Variants in ADAMTSL1 observed in about 807,000 individuals in gnomAD.
ADAMTSL1 encodes the protein ADAMTS-like protein 1.
A neutral mutation model predicts 201.8 loss-of-function variants in ADAMTSL1; 126 were observed. That is an observed-to-expected ratio of 0.62 (90% CI 0.54 to 0.72). ADAMTSL1 has a LOEUF of 0.72. Ranked by LOEUF, ADAMTSL1 falls within the 30% of genes least tolerant of loss-of-function variation. ADAMTSL1 has a pLI of 0.00. For synonymous variants in ADAMTSL1, 1,121 were observed against 903.4 expected (o/e 1.24, Z -4.32); for missense variants, 2,679 against 2,277.8 (o/e 1.18, Z -3.59).
intron 2 of ADAMTSL1, among the ~76,000 whole-genome samples, chr9:18,216,537 C>T (rs1031312807): frequency 1.3e-5 from 2 of 152,034 alleles, no homozygotes; most frequent in African/African-American, 4.8e-5. Flanking sequence ...GCAGCAGCAT[C>T]AAGCTCCCTC....
rs551867391 is a variant in ADAMTSL1, at chr9:18,138,541, C to G, written c.88-25321C>G. 3.3e-5 allele frequency among the ~76,000 whole-genome samples: 5 copies of G among 152,252 alleles called. No individual in the cohort carries two copies. The South Asian group carries it at 1.0e-3, about 32-fold the overall frequency. On this transcript the variant is annotated intron_variant, in intron 1 of 29. Transcript: ENST00000680146. Reference sequence around the variant, plus strand: ...GTACACAAAGCAGCTGGTGTGCGGCCATGGCTACTAGTGCTGGGCATTGTT... The same window carrying G: ...GTACACAAAGCAGCTGGTGTGCGGCGATGGCTACTAGTGCTGGGCATTGTT...
At chr9:18,605,101 T>C (rs1388000893) in intron 4 of ADAMTSL1, among the ~76,000 whole-genome samples, 2 of 152,218 alleles carry the variant, frequency 1.3e-5, no homozygotes, top group African/African-American at 4.8e-5. Flanking sequence ...TCACTTGTAT[T>C]CTTCCCTACC....
At chr9:18,723,225 T>C (rs955793642) in intron 15 of ADAMTSL1, 4 of 655,202 alleles carry the variant, frequency 6.1e-6, no homozygotes, top group East Asian at 2.7e-5. Flanking sequence ...TTCTTTATTT[T>C]GTAGGCAGAA....
At chr9:17,941,068 G>A (rs1827221505) in intron 1 of ADAMTSL1, among the ~76,000 whole-genome samples, 1 of 151,914 alleles carries the variant, frequency 6.6e-6, no homozygotes, top group Non-Finnish European at 1.5e-5. Flanking sequence ...GCCTTAACTT[G>A]AGACCTTTTA....
At chr9:18,903,012 C>T (rs1317814446) in intron 26 of ADAMTSL1, among the ~76,000 whole-genome samples, 1 of 152,138 alleles carries the variant, frequency 6.6e-6, no homozygotes, top group Non-Finnish European at 1.5e-5. Flanking sequence ...CAAGACCAGC[C>T]TGGCCAACAT....
chr9:18,185,033 C>A (rs1445680226), intron 2 of ADAMTSL1, among the ~76,000 whole-genome samples: 1 of 152,038 alleles, frequency 6.6e-6, no homozygotes, highest in Non-Finnish European at 1.5e-5. Flanking sequence ...TATTTTAGGG[C>A]ATTTTGGATG....
At chr9:18,336,066 G>T (rs1835225347) in intron 2 of ADAMTSL1, among the ~76,000 whole-genome samples, 1 of 152,048 alleles carries the variant, frequency 6.6e-6, no homozygotes, top group Non-Finnish European at 1.5e-5. Flanking sequence ...TTATTTCATT[G>T]CACATAGCAT....
chr9:18,489,978 A>G (rs1822187531), intron 1 of ADAMTSL1, among the ~76,000 whole-genome samples: 1 of 152,176 alleles, frequency 6.6e-6, no homozygotes, highest in South Asian at 2.1e-4. Context: ...AGTACGTGTA[A>G]GTACTTTGAA....
chr9:18,230,760 A>C (rs769542256), intron 2 of ADAMTSL1, among the ~76,000 whole-genome samples: 19 of 152,212 alleles, frequency 1.2e-4, no homozygotes, highest in Non-Finnish European at 2.5e-4. Flanking sequence ...AATTAATTAC[A>C]AATTCAAATA....
At chr9:18,094,154 T>A (rs150599891) in intron 1 of ADAMTSL1, among the ~76,000 whole-genome samples, 17 of 152,308 alleles carry the variant, frequency 1.1e-4, no homozygotes, top group African/African-American at 3.6e-4. Flanking sequence ...TGGTTGCCTG[T>A]TAAATGCCAC....
At chr9:18,841,495 T>G (rs1243465265) in intron 23 of ADAMTSL1, among the ~76,000 whole-genome samples, 1 of 152,170 alleles carries the variant, frequency 6.6e-6, no homozygotes, top group African/African-American at 2.4e-5. Flanking sequence ...GGTCTAAAAT[T>G]CTCTCTTTTG....
chr9:18,387,450 G>A (rs1226927602), intron 2 of ADAMTSL1, among the ~76,000 whole-genome samples: 3 of 151,676 alleles, frequency 2.0e-5, no homozygotes, highest in Admixed American at 6.6e-5. Context: ...TGATCCCAAA[G>A]GTAGTATTCA....
intron 19 of ADAMTSL1, among the ~76,000 whole-genome samples, chr9:18,780,282 A>G (rs1485773236): frequency 1.3e-5 from 2 of 152,198 alleles, no homozygotes; most frequent in African/African-American, 4.8e-5. Context: ...AGACTGTACC[A>G]TATCATCTGT....
chr9:18,495,999 C>T (rs1822516725), intron 1 of ADAMTSL1, among the ~76,000 whole-genome samples: 1 of 152,116 alleles, frequency 6.6e-6, no homozygotes, highest in African/African-American at 2.4e-5. Flanking sequence ...TGAAATCTTA[C>T]ATTTTCTTCA....
At chr9:18,639,108 G>A in intron 6 of ADAMTSL1, 146 bp from the exon 7 acceptor site, 1 of 707,988 alleles carries the variant, frequency 1.4e-6, no homozygotes, top group Non-Finnish European at 2.4e-6. Context: ...TGTATAGTTT[G>A]TTGATATCAC....
intron 15 of ADAMTSL1, among the ~76,000 whole-genome samples, chr9:18,752,683 A>T (rs1458186428): frequency 6.6e-6 from 1 of 152,092 alleles, no homozygotes; most frequent in Non-Finnish European, 1.5e-5. Flanking sequence ...ATAATGAGCC[A>T]CTCTCTTCAC....
Position 18,753,528 on chromosome 9 carries a change from A to C in ADAMTSL1, c.2217+20A>C, listed in dbSNP as rs1272315417. The C allele has an allele frequency of 6.3e-7, 1 of 1,599,236 alleles. No homozygotes were observed. ...CAGCCGGTGAGTTCTGAAGTTACTC[A>C]ATATTGGAGCTTTTGTTTGCAACAG... On this transcript the variant is annotated intron_variant, in intron 16 of 28. Coordinates refer to ENST00000380548, the MANE Select transcript of ADAMTSL1 (RefSeq NM_001040272.6).
intron 2 of ADAMTSL1, among the ~76,000 whole-genome samples, chr9:18,195,648 G>A (rs1269545141): frequency 6.6e-6 from 1 of 152,146 alleles, no homozygotes; most frequent in Non-Finnish European, 1.5e-5. Context: ...TCTGAAAAGA[G>A]CTGGTACTGG....
chr9:18,381,178 T>C (rs1837540919), intron 2 of ADAMTSL1, among the ~76,000 whole-genome samples: 2 of 152,218 alleles, frequency 1.3e-5, no homozygotes, highest in South Asian at 4.1e-4. Flanking sequence ...ACATTGGACT[T>C]TCCCTTTAGG....
Sources: gnomAD v4.1 joint callset for allele counts (sites outside exome capture counted in the v4.1 genomes callset) on GRCh38, gnomAD v4.1.1 for gene constraint, MANE v1.5 for transcripts, NCBI Gene and HGNC (gene_info 2026-07-23, HGNC 2026-07-21) for gene names.